DVL1: variants seen among roughly 807,000 people sequenced by gnomAD.
DVL1 encodes segment polarity protein dishevelled homolog DVL-1.
In DVL1, 49 loss-of-function variants were observed where a neutral mutation model predicts 65.0. That is an observed-to-expected ratio of 0.75 (90% CI 0.60 to 0.96). The LOEUF (loss-of-function observed/expected upper bound fraction) is 0.96. Among genes scored for constraint, DVL1 ranks in the 40% least tolerant of loss-of-function variants. The pLI is 0.00. For synonymous variants in DVL1, 608 were observed against 433.9 expected, an observed-to-expected ratio of 1.40 and a Z score of -4.99; for missense variants, 1,197 against 1,045.4, an observed-to-expected ratio of 1.15 and a Z score of -2.00.
chr1:1,336,991 G>A (rs1643599499), intron 14 of DVL1: 1 of 991,876 alleles, frequency 1.0e-6, no homozygotes, highest in Non-Finnish European at 1.2e-6. Flanking sequence ...GACATGCTGA[G>A]GGACCCCGGG....
At chr1:1,339,495 A>C in intron 10 of DVL1, 56 bp from the exon 11 acceptor site, 36 of 731,660 alleles carry the variant, frequency 4.9e-5, no homozygotes, top group Non-Finnish European at 6.7e-5. Flanking sequence ...GTGGGAGGGC[A>C]GGGTGCAGGG....
intron 1 of DVL1, among the ~76,000 whole-genome samples, chr1:1,343,372 C>T (rs1016965893): frequency 3.9e-5 from 6 of 152,146 alleles, no homozygotes; most frequent in African/African-American, 1.4e-4. Flanking sequence ...TATTCCCTGT[C>T]CCTTGCCCCA....
rs776073474 is a variant in DVL1, at chr1:1,336,239, C to T, written c.1991G>A (p.Arg664Gln). Residue 664 changes from arginine (R) to glutamine (Q), a missense_variant, in exon 15 of 15, where the codon CGG (arginine) becomes CAG (glutamine). Arg to Gln is a conservative substitution (Grantham distance 43). Coordinates refer to ENST00000378888, the MANE Select transcript of DVL1 (RefSeq NM_001330311.2). ...TTCCGGGGGGACGGCAGCCAGCTCC[C>T]GGACAGGGGGTCCCCCGGGTGGCCC... Reference protein sequence around the residue: ...VGGPPGGPPVRELAAVPPELT... With the variant: ...VGGPPGGPPVQELAAVPPELT... The T allele has an allele frequency of 2.4e-5, 37 of 1,558,476 alleles. No individual in the cohort carries two copies. Among genetic ancestry groups the T allele is most frequent in the Admixed American group, 1.7e-4 (9 of 53,424 alleles).
Position 1,349,100 on chromosome 1 carries a change from G to A in DVL1, c.-35C>T. The A allele has an allele frequency of 2.4e-6, 3 of 1,269,236 alleles. No homozygotes were observed. Among genetic ancestry groups the A allele is most frequent in the Non-Finnish European group, 3.0e-6 (3 of 992,232 alleles). The allele number at this position is 1,269,236 out of a possible 1,614,324, so 78.6% of individuals were successfully genotyped here. A position where few individuals can be genotyped will look rare whatever the true frequency, so the allele number is the denominator to read the frequency against. ...GCGGCGCGGAGCCCGCGCGCTCAGG[G>A]CCCGGCCCGGGGCTCGGACGCGGGG... On this transcript the variant is annotated 5_prime_UTR_variant, in exon 1 of 15. Transcript: ENST00000378888. This position sits in a 1 kb window ranked among gnomAD's most constrained non-coding sequence, Gnocchi z 4.1.
In DVL1 at chr1:1,342,033, G is replaced by T; in HGVS notation, c.466+20C>A. On this transcript the variant is annotated intron_variant, in intron 4 of 14. Coordinates refer to ENST00000378888, the MANE Select transcript of DVL1 (RefSeq NM_001330311.2). ...CAGGGAGGCTGGGGGTCCACAGCTG[G>T]GCAGACATGACCACTGTACCCTCCT... 3.9e-6 allele frequency: 6 copies of T among 1,547,592 alleles called. No homozygotes were observed. Among genetic ancestry groups the T allele is most frequent in the Non-Finnish European group, 5.3e-6 (6 of 1,141,678 alleles).
chr1:1,336,160 G>A lies in DVL1; in HGVS notation c.2070C>T (p.Phe690=), dbSNP rs539920742. 4 of 1,575,888 alleles carry A rather than the reference G, an allele frequency of 2.5e-6. No individual in the cohort carries two copies. Among genetic ancestry groups the A allele is most frequent in the African/African-American group, 2.7e-5 (2 of 74,700 alleles). The change falls in exon 15 of 15, where the codon TTC becomes TTT. Residue 690 remains phenylalanine, a synonymous_variant. Transcript: ENST00000378888. ...FQKAMGNPCE[F]FVDIM is the part of the protein sequence containing the mutation. ...CCACGAGTCACATGATGTCCACGAAGAACTCGCAGGGGTTCCCCATAGCCT... is the reference window on the plus strand; with the variant it reads ...CCACGAGTCACATGATGTCCACGAAAAACTCGCAGGGGTTCCCCATAGCCT...
intron 1 of DVL1, 135 bp downstream of exon 1, chr1:1,348,761 G>T: frequency 2.8e-6 from 2 of 725,300 alleles, no homozygotes; most frequent in Non-Finnish European, 3.6e-6. Flanking sequence ...CACCCGCGCC[G>T]CATCTAGCGG....
In DVL1 at chr1:1,339,822, T is replaced by C; in HGVS notation, c.910-10A>G. The C allele has an allele frequency of 6.2e-7, 1 of 1,605,202 alleles. No individual in the cohort carries two copies. The highest frequency in any genetic ancestry group is 8.5e-7 in the Non-Finnish European group (1 of 1,179,380). Reference sequence around the variant, plus strand: ...AGTTCACGTCATTCACCTGCAGGGGTGGGGATTAGGGTGGTGCAGGCAGGA... The same window carrying C: ...AGTTCACGTCATTCACCTGCAGGGGCGGGGATTAGGGTGGTGCAGGCAGGA... On this transcript the variant is annotated splice_polypyrimidine_tract_variant and intron_variant, in intron 8 of 14. Coordinates refer to ENST00000378888, the MANE Select transcript of DVL1 (RefSeq NM_001330311.2).
Position 1,339,721 on chromosome 1 carries a change from G to A in DVL1, c.986+15C>T, listed in dbSNP as rs578141260. 44 of 1,612,724 alleles carry A rather than the reference G, an allele frequency of 2.7e-5. No individual in the cohort carries two copies. Among genetic ancestry groups the A allele is most frequent in the Middle Eastern group, 3.3e-4 (2 of 6,060 alleles). The stretch of plus-strand genomic sequence containing the variant: ...CCTGCCTGGCCCCTCCCGCTCCAGC[G>A]CCCCCAGCCCTCACCCCGTCTGGGA... On this transcript the variant is annotated intron_variant, in intron 9 of 14. Transcript: ENST00000378888.
intron 1 of DVL1, among the ~76,000 whole-genome samples, chr1:1,344,232 A>G (rs1643886507): frequency 6.6e-6 from 1 of 152,180 alleles, no homozygotes; most frequent in African/African-American, 2.4e-5. Flanking sequence ...ACTTGGGCCC[A>G]GTGGAGAAAT....
In DVL1 at chr1:1,338,385, C is replaced by T. The variant is rs1232376736; in HGVS notation, c.1391G>A (p.Arg464Gln). ...LYTHVEGFKE[R>Q]REARKYASSL... ...GCTGGCGTACTTCCGGGCCTCCCGC[C>T]GCTCCTTGAAGCCCTCCACGTGTGT... Residue 464 changes from arginine (R) to glutamine (Q), a missense_variant, in exon 13 of 15, where the codon CGG becomes CAG. Physicochemically the swap from Arg to Gln is conservative, Grantham distance 43. Transcript: ENST00000378888. The T allele has an allele frequency of 1.9e-6, 3 of 1,612,708 alleles. No homozygotes were observed. Among genetic ancestry groups the T allele is most frequent in the East Asian group, 2.2e-5 (1 of 44,878 alleles).
chr1:1,346,848 C>T (rs1643921456), intron 1 of DVL1, among the ~76,000 whole-genome samples: 1 of 152,212 alleles, frequency 6.6e-6, no homozygotes, highest in Non-Finnish European at 1.5e-5. Flanking sequence ...GACCTGCCTT[C>T]TCTTCCCCCC....
chr1:1,343,135 G>A (rs1338345843), intron 1 of DVL1, among the ~76,000 whole-genome samples: 1 of 152,146 alleles, frequency 6.6e-6, no homozygotes, highest in African/African-American at 2.4e-5. Context: ...CCAGGTAGGA[G>A]GACAGCTAGG....
chr1:1,341,066 T>G (rs575990596), intron 5 of DVL1, among the ~76,000 whole-genome samples: 2,710 of 132,716 alleles, frequency 0.02, 42 homozygotes, highest in Middle Eastern at 0.044. Flanking sequence ...CATGCACACC[T>G]GCACACACGC....
At chr1:1,347,005 G>T (rs1354385916) in intron 1 of DVL1, among the ~76,000 whole-genome samples, 2 of 152,168 alleles carry the variant, frequency 1.3e-5, no homozygotes, top group Non-Finnish European at 2.9e-5. Flanking sequence ...GTAGAACTCA[G>T]GGGAAGGGAT....
chr1:1,345,417 C>A (rs1232631400), intron 1 of DVL1, among the ~76,000 whole-genome samples: 1 of 152,188 alleles, frequency 6.6e-6, no homozygotes, highest in Non-Finnish European at 1.5e-5. Context: ...CAGGCAGAGC[C>A]CTGCCGTCCC....
In DVL1 at chr1:1,338,511, C is replaced by T. The variant is rs759953229; in HGVS notation, c.1339+11G>A. ...CCCTGGCACTATCCGCCCGCGGGGA[C>T]GGCCACTCACCGATGACGGCATTGG... On this transcript the variant is annotated intron_variant, in intron 12 of 14. Transcript: ENST00000378888. 7 of 1,611,904 alleles carry T rather than the reference C, an allele frequency of 4.3e-6. No individual in the cohort carries two copies. In the East Asian group the frequency reaches 1.1e-4, roughly 26 times the overall value.
chr1:1,348,495 T>C (rs1295452019), intron 1 of DVL1, among the ~76,000 whole-genome samples: 1 of 152,166 alleles, frequency 6.6e-6, no homozygotes, highest in Non-Finnish European at 1.5e-5. Flanking sequence ...GGTGAACCTG[T>C]ACCCCCATGT....
At position 1,336,293 on chromosome 1, in the gene DVL1, G is replaced by C. The variant is rs562753230; in HGVS notation, c.1937C>G (p.Pro646Arg). The change falls in exon 15 of 15, where the codon CCC (proline) becomes CGC (arginine). Residue 646 changes from proline to arginine, a missense_variant. Pro to Arg is a moderately radical substitution (Grantham distance 103). Transcript: ENST00000378888. Reference sequence around the variant, plus strand: ...CACCACTGTATAGGCCTTGGTCGTGGGGTGGGGCGGGGGGAGCCCCGGGGC... The same window carrying C: ...CACCACTGTATAGGCCTTGGTCGTGCGGTGGGGCGGGGGGAGCCCCGGGGC... ...ATAPGLPPPH[P>R]TTKAYTVVGG... 6.4e-7 allele frequency: 1 copy of C among 1,563,162 alleles called. No individual in the cohort carries two copies. Among genetic ancestry groups the C allele is most frequent in the South Asian group, 1.1e-5 (1 of 87,198 alleles).
Sources: gnomAD v4.1 joint callset for allele counts (sites outside exome capture counted in the v4.1 genomes callset) on GRCh38, gnomAD v4.1.1 for gene constraint, Gnocchi (gnomAD v3.1) non-coding constraint, MANE v1.5 for transcripts, NCBI Gene and HGNC (gene_info 2026-07-23, HGNC 2026-07-21) for gene names.